LIMS1: variants seen among roughly 807,000 people sequenced by gnomAD.
LIMS1 encodes the protein LIM zinc finger domain containing 1, also known as LIM and senescent cell antigen-like-containing domain protein 1.
LIMS1 carries 18 observed loss-of-function variants against 44.1 expected under a neutral mutation model. That is an observed-to-expected ratio of 0.41 (90% confidence interval 0.28 to 0.61). The LOEUF is 0.61. Ranked by LOEUF, LIMS1 falls within the 20% of genes least tolerant of loss-of-function variation. The probability of loss-of-function intolerance (pLI) is 0.32; values close to 1 mark genes in which losing one functional copy is unlikely to be tolerated. For synonymous variants in LIMS1, 93 were observed against 149.1 expected, an observed-to-expected ratio of 0.62 and a Z score of 2.74; for missense variants, 201 against 422.0, an observed-to-expected ratio of 0.48 and a Z score of 4.59.
At chr2:108,620,082 C>T (rs1201982207) in intron 1 of LIMS1, among the ~76,000 whole-genome samples, 1 of 152,096 alleles carries the variant, frequency 6.6e-6, no homozygotes, top group Non-Finnish European at 1.5e-5. Flanking sequence ...ATTTGTTTTT[C>T]CTGGGGCCGT....
intron 1 of LIMS1, among the ~76,000 whole-genome samples, chr2:108,560,773 T>G (rs1685085142): frequency 6.6e-6 from 1 of 152,248 alleles, no homozygotes; most frequent in Middle Eastern, 3.4e-3. Flanking sequence ...AGTTTTTCTG[T>G]TTTGTTCATC....
At chr2:108,670,561 C>T (rs1388562799) in intron 2 of LIMS1, among the ~76,000 whole-genome samples, 1 of 152,214 alleles carries the variant, frequency 6.6e-6, no homozygotes, top group East Asian at 1.9e-4. Context: ...GTGTACTGTT[C>T]ACTCTAGCCT....
chr2:108,569,421 C>G (rs1685407860), intron 1 of LIMS1, among the ~76,000 whole-genome samples: 1 of 152,150 alleles, frequency 6.6e-6, no homozygotes, highest in Admixed American at 6.6e-5. Flanking sequence ...AGTCCAATGT[C>G]ATGCCTTTCT....
Position 108,656,848 on chromosome 2 carries a change from C to A in LIMS1, c.33-2757C>A, listed in dbSNP as rs1485202289. Among the ~76,000 whole-genome samples, 10 of 92,430 alleles carry A rather than the reference C, an allele frequency of 1.1e-4. No individual in the cohort carries two copies. In the East Asian group the frequency reaches 1.8e-3, roughly 17 times the overall value. The allele number at this position is 92,430 out of a possible 152,430, so 60.6% of individuals were successfully genotyped here. ...ATAATCAAACGTTTTAATCTAAGGGCCTCTTAACACTCTTAAAAACTATTA... is the reference window on the plus strand; with the variant it reads ...ATAATCAAACGTTTTAATCTAAGGGACTCTTAACACTCTTAAAAACTATTA... On this transcript the variant is annotated intron_variant, in intron 1 of 9. Transcript: ENST00000544547.
chr2:108,610,934 C>T (rs1687564539), intron 1 of LIMS1, among the ~76,000 whole-genome samples: 1 of 152,114 alleles, frequency 6.6e-6, no homozygotes, highest in African/African-American at 2.4e-5. Flanking sequence ...ATAGTCCTCA[C>T]CTAGCTTCCC....
At chr2:108,602,271 A>G (rs1209499043) in intron 1 of LIMS1, among the ~76,000 whole-genome samples, 1 of 152,294 alleles carries the variant, frequency 6.6e-6, no homozygotes, top group Non-Finnish European at 1.5e-5. Flanking sequence ...ACTTCTTTCC[A>G]ATTTGGATGC....
chr2:108,617,393 A>C (rs1687984523), intron 1 of LIMS1, among the ~76,000 whole-genome samples: 1 of 152,218 alleles, frequency 6.6e-6, no homozygotes, highest in South Asian at 2.1e-4. Flanking sequence ...CAAATATGAA[A>C]GCTTCAGAGT....
chr2:108,606,763 C>G (rs1055172744), intron 1 of LIMS1, among the ~76,000 whole-genome samples: 7 of 152,140 alleles, frequency 4.6e-5, no homozygotes, highest in African/African-American at 1.7e-4. Flanking sequence ...AAGGCTCCAC[C>G]AAATGGGAAT....
intron 1 of LIMS1, among the ~76,000 whole-genome samples, chr2:108,551,716 G>A (rs1684722608): frequency 1.4e-5 from 2 of 143,192 alleles, no homozygotes; most frequent in South Asian, 2.1e-4. Context: ...TATGTATATA[G>A]TATATGTATA....
At chr2:108,617,781 G>A (rs1456012847) in intron 1 of LIMS1, among the ~76,000 whole-genome samples, 1 of 152,166 alleles carries the variant, frequency 6.6e-6, no homozygotes, top group Non-Finnish European at 1.5e-5. Flanking sequence ...ATGTGCAAAG[G>A]CTAGAAAGTG....
chr2:108,637,788 TAC>T (rs1229489465), intron 1 of LIMS1, among the ~76,000 whole-genome samples: 1 of 130,596 alleles, frequency 7.7e-6, no homozygotes, highest in African/African-American at 2.5e-5. Context: ...AAGGAACTAG[TAC>T]AGAGACATTT....
intron 1 of LIMS1, among the ~76,000 whole-genome samples, chr2:108,616,124 C>T (rs924673037): frequency 6.7e-6 from 1 of 149,554 alleles, no homozygotes; most frequent in Admixed American, 6.7e-5. Flanking sequence ...AAATTGAAGA[C>T]TGTTGATGGC....
chr2:108,535,942 C>G (rs938047100), intron 1 of LIMS1, among the ~76,000 whole-genome samples: 2 of 151,936 alleles, frequency 1.3e-5, no homozygotes, highest in Non-Finnish European at 2.9e-5. Context: ...CATTTGGTCA[C>G]AAGTAACAAA....
chr2:108,577,498 TA>T (rs1685713876), intron 1 of LIMS1, among the ~76,000 whole-genome samples: 1 of 152,234 alleles, frequency 6.6e-6, no homozygotes, highest in South Asian at 2.1e-4. Flanking sequence ...AGTCATTGGG[TA>T]AATATTCACT....
At chr2:108,618,677 T>A (rs978522405) in intron 1 of LIMS1, among the ~76,000 whole-genome samples, 1 of 151,918 alleles carries the variant, frequency 6.6e-6, no homozygotes, top group Non-Finnish European at 1.5e-5. Context: ...TACAAAAAAT[T>A]AGCCAGGCGT....
At chr2:108,628,740 C>T (rs1558817029) in intron 1 of LIMS1, among the ~76,000 whole-genome samples, 1 of 152,214 alleles carries the variant, frequency 6.6e-6, no homozygotes, top group Non-Finnish European at 1.5e-5. Flanking sequence ...GCTGGGATTA[C>T]AGGCGTGAGC....
intron 1 of LIMS1, among the ~76,000 whole-genome samples, chr2:108,546,989 GA>G (rs1250353685): frequency 1.3e-5 from 2 of 152,196 alleles, no homozygotes; most frequent in African/African-American, 4.8e-5. Context: ...ATGGCTGATA[GA>G]TAAGAGTTCT....
intron 1 of LIMS1, chr2:108,621,365 TA>T: frequency 6.5e-7 from 1 of 1,550,128 alleles, no homozygotes; most frequent in East Asian, 2.4e-5. Context: ...ATGACTGCAT[TA>T]CAGCTTAAAG....
chr2:108,584,794 C>T (rs576580661), intron 1 of LIMS1, among the ~76,000 whole-genome samples: 3 of 151,984 alleles, frequency 2.0e-5, no homozygotes, highest in Non-Finnish European at 2.9e-5. Flanking sequence ...TGTGTATGTC[C>T]CTCTTAGGCT....
Sources: gnomAD v4.1 joint callset for allele counts (sites outside exome capture counted in the v4.1 genomes callset) on GRCh38, gnomAD v4.1.1 for gene constraint, MANE v1.5 for transcripts, NCBI Gene and HGNC (gene_info 2026-07-23, HGNC 2026-07-21) for gene names.